WWOX: variants seen among roughly 807,000 people sequenced by gnomAD.
WWOX encodes the protein WW domain-containing oxidoreductase.
A neutral mutation model predicts 46.2 loss-of-function variants in WWOX; 69 were observed. The ratio of observed to expected loss-of-function variants is 1.49; its 90% CI spans 1.23 to 1.82. The LOEUF (loss-of-function observed/expected upper bound fraction) is 1.82. WWOX is among the 40% of genes most tolerant of loss of function. WWOX has a pLI of 0.00. For missense variants in WWOX, 919 were observed against 542.6 expected, an observed-to-expected ratio of 1.69 and a Z score of -6.89; for synonymous variants, 359 against 202.6, an observed-to-expected ratio of 1.77 and a Z score of -6.56.
At chr16:78,622,369 C>G (rs1433653297) in intron 8 of WWOX, among the ~76,000 whole-genome samples, 1 of 151,944 alleles carries the variant, frequency 6.6e-6, no homozygotes, top group Non-Finnish European at 1.5e-5. Context: ...ATGGTAAAAC[C>G]CCACCTCTAC....
chr16:78,367,987 T>A (rs936132374), intron 5 of WWOX, among the ~76,000 whole-genome samples: 1 of 151,992 alleles, frequency 6.6e-6, no homozygotes, highest in Non-Finnish European at 1.5e-5. Flanking sequence ...AAACTCCTGA[T>A]CTTAGGTGAT....
chr16:78,188,254 C>A (rs559730796), intron 5 of WWOX, among the ~76,000 whole-genome samples: 1 of 152,074 alleles, frequency 6.6e-6, no homozygotes, highest in Non-Finnish European at 1.5e-5. Context: ...CTTTGGGAGG[C>A]CGAGGCGGGC....
chr16:78,750,772 G>C (rs553600672), intron 8 of WWOX, among the ~76,000 whole-genome samples: 1 of 152,068 alleles, frequency 6.6e-6, no homozygotes, highest in South Asian at 2.1e-4. Context: ...GCATTTATTC[G>C]CTCAGGATAA....
intron 8 of WWOX, among the ~76,000 whole-genome samples, chr16:78,917,421 C>T (rs151219838): frequency 0.012 from 1,783 of 152,140 alleles, 27 homozygotes; most frequent in African/African-American, 0.041. Context: ...GACCTGCATT[C>T]GTGTAGGAAC....
Position 78,135,830 on chromosome 16 carries a change from C to T in WWOX, c.409+20676C>T, listed in dbSNP as rs367800271. Among the ~76,000 whole-genome samples, 74 of 152,234 alleles carry T rather than the reference C, an allele frequency of 4.9e-4. No individual in the cohort carries two copies. The South Asian group carries it at 7.0e-3, about 14-fold the overall frequency. ...TCCTTTTGGGAGTTGAACATATAAG[C>T]ACATGTACCTCTATGTGACTTTTGA... On this transcript the variant is annotated intron_variant, in intron 4 of 8. Coordinates refer to ENST00000566780, the MANE Select transcript of WWOX (RefSeq NM_016373.4).
Position 79,212,569 on chromosome 16 carries a change from T to TGTCA in WWOX, c.*774_*777dup, listed in dbSNP as rs1205674981. ...TAAAACGTTAGTTAATCCCTTTGTC[T>TGTCA]GTCAATCACAGTCTCAGTTCTCTTG... On this transcript the variant is annotated 3_prime_UTR_variant, in exon 9 of 9. Transcript: ENST00000566780. 1.8e-5 allele frequency: 3 copies of TGTCA among 164,672 alleles called. No individual in the cohort carries two copies. Among genetic ancestry groups the TGTCA allele is most frequent in the Non-Finnish European group, 2.7e-5 (2 of 74,372 alleles). The allele number at this position is 164,672 out of a possible 1,614,324, so 10.2% of individuals were successfully genotyped here.
intron 8 of WWOX, among the ~76,000 whole-genome samples, chr16:79,009,237 C>A (rs758237654): frequency 2.9e-4 from 44 of 152,308 alleles, no homozygotes; most frequent in Non-Finnish European, 5.1e-4. Context: ...TTGAGTGTTA[C>A]AAACGGTTTG....
At chr16:78,354,644 G>A (rs1457561519) in intron 5 of WWOX, among the ~76,000 whole-genome samples, 1 of 151,892 alleles carries the variant, frequency 6.6e-6, no homozygotes, top group Non-Finnish European at 1.5e-5. Flanking sequence ...ATTATATTTT[G>A]CCTGATAAAT....
At chr16:78,669,351 C>T (rs1486883392) in intron 8 of WWOX, among the ~76,000 whole-genome samples, 1 of 152,220 alleles carries the variant, frequency 6.6e-6, no homozygotes, top group Admixed American at 6.5e-5. Context: ...GGAGTTTTAA[C>T]TCCAACTTCT....
At chr16:78,548,752 C>G (rs943020039) in intron 8 of WWOX, among the ~76,000 whole-genome samples, 1 of 152,124 alleles carries the variant, frequency 6.6e-6, no homozygotes, top group Non-Finnish European at 1.5e-5. Flanking sequence ...GCTAATGGGA[C>G]TTAGTGTAAT....
chr16:79,073,793 T>G (rs1376140411), intron 8 of WWOX, among the ~76,000 whole-genome samples: 2 of 152,170 alleles, frequency 1.3e-5, no homozygotes, highest in Admixed American at 6.5e-5. Flanking sequence ...CACTGAGAGA[T>G]AAGTTGAGAG....
intron 5 of WWOX, among the ~76,000 whole-genome samples, chr16:78,192,222 C>T (rs940335319): frequency 2.0e-5 from 3 of 152,020 alleles, no homozygotes; most frequent in Non-Finnish European, 2.9e-5. Context: ...AGGCCGGGTA[C>T]GGTGGCTCAT....
At chr16:79,026,373 T>G (rs1206515636) in intron 8 of WWOX, among the ~76,000 whole-genome samples, 1 of 151,590 alleles carries the variant, frequency 6.6e-6, no homozygotes, top group Non-Finnish European at 1.5e-5. Flanking sequence ...ACACATCACA[T>G]CTTCTGAGAT....
chr16:78,496,733 T>C (rs554127801), intron 8 of WWOX, among the ~76,000 whole-genome samples: 39 of 152,146 alleles, frequency 2.6e-4, no homozygotes, highest in Non-Finnish European at 4.9e-4. Flanking sequence ...CCAAACAAAT[T>C]ATTAGCTTTC....
intron 8 of WWOX, among the ~76,000 whole-genome samples, chr16:78,678,213 G>C (rs2047648979): frequency 6.6e-6 from 1 of 152,114 alleles, no homozygotes; most frequent in Admixed American, 6.6e-5. Flanking sequence ...CATGCTTAAT[G>C]AAAAGTGAGT....
chr16:78,970,717 A>G (rs1597221039), intron 8 of WWOX, among the ~76,000 whole-genome samples: 1 of 152,140 alleles, frequency 6.6e-6, no homozygotes. Flanking sequence ...CCATGTGTAG[A>G]ACTTTCACAG....
chr16:78,279,222 T>C (rs954679804), intron 5 of WWOX, among the ~76,000 whole-genome samples: 3 of 152,020 alleles, frequency 2.0e-5, no homozygotes, highest in African/African-American at 7.3e-5. Flanking sequence ...AACAGAGAGA[T>C]TGTGTTGTTT....
chr16:78,305,106 G>A (rs1002544462), intron 5 of WWOX, among the ~76,000 whole-genome samples: 6 of 152,044 alleles, frequency 3.9e-5, no homozygotes, highest in Non-Finnish European at 8.8e-5. Flanking sequence ...CTGCTGCTGT[G>A]GATTCTCAGT....
At chr16:78,756,791 C>T in intron 8 of WWOX, 1 of 513,608 alleles carries the variant, frequency 1.9e-6, no homozygotes, top group East Asian at 2.8e-5. Flanking sequence ...TTCTTGGTAG[C>T]CATGTCTCAG....
Sources: allele counts gnomAD v4.1 joint callset (sites outside exome capture counted in the v4.1 genomes callset), GRCh38; gene constraint gnomAD v4.1.1; transcripts MANE v1.5; gene names NCBI Gene and HGNC (gene_info 2026-07-23, HGNC 2026-07-21).